The following SDK2 variants were observed in gnomAD, a reference collection of about 807,000 sequenced individuals.
SDK2 encodes the protein sidekick cell adhesion molecule 2, also known as protein sidekick-2.
SDK2 carries 105 observed loss-of-function variants against 253.9 expected under a neutral mutation model. That is an observed-to-expected ratio of 0.41 (90% confidence interval 0.35 to 0.49). The LOEUF is 0.49. Among genes scored for constraint, SDK2 ranks in the 20% least tolerant of loss-of-function variants. SDK2 has a pLI of 0.06. For synonymous variants in SDK2, 1,249 were observed against 1,234.9 expected, an observed-to-expected ratio of 1.01 and a Z score of -0.24; for missense variants, 2,608 against 3,003.0, an observed-to-expected ratio of 0.87 and a Z score of 3.07.
chr17:73,556,126 T>C (rs947445119), intron 1 of SDK2, among the ~76,000 whole-genome samples: 1 of 152,132 alleles, frequency 6.6e-6, no homozygotes, highest in Non-Finnish European at 1.5e-5. Context: ...AAACGACACA[T>C]GCAGGGACCA....
chr17:73,519,848 A>G lies in SDK2; in HGVS notation c.65-12251T>C, dbSNP rs117263197. 1,388 of 152,282 alleles carry G rather than the reference A, an allele frequency of 9.1e-3. 10 individuals are homozygous for G. Among genetic ancestry groups the G allele is most frequent in the Non-Finnish European group, 0.014 (963 of 68,038 alleles). The allele number at this position is 152,282 out of a possible 1,614,324, so 9.4% of individuals were successfully genotyped here. ...TCTCTGCACGGAGGCTGAGAGATGG[A>G]GCCACCGCTGAGGAAGAACACACAT... is the stretch of plus-strand genomic sequence containing the variant. On this transcript the variant is annotated intron_variant, in intron 1 of 44. Coordinates refer to ENST00000392650, the MANE Select transcript of SDK2 (RefSeq NM_001144952.2).
At chr17:73,552,547 G>A (rs926440481) in intron 1 of SDK2, among the ~76,000 whole-genome samples, 3 of 152,136 alleles carry the variant, frequency 2.0e-5, no homozygotes, top group African/African-American at 4.8e-5. Context: ...GAGTGTACTC[G>A]GCCGGAGTAC....
In SDK2 at chr17:73,481,517, GGAGACAGAGAAACA is replaced by G. The variant is rs2063723824; in HGVS notation, c.225-9313_225-9300del. Among the ~76,000 whole-genome samples, 2 of 152,058 alleles carry G rather than the reference GGAGACAGAGAAACA, an allele frequency of 1.3e-5. No homozygotes were observed. Among genetic ancestry groups the G allele is most frequent in the Admixed American group, 1.3e-4 (2 of 15,268 alleles). ...GATGGAGTAAAGAAGAGAGAGACAG[GGAGACAGAGAAACA>G]GAGACAGAGAAAGAGAGAGACAGAA... On this transcript the variant is annotated intron_variant, in intron 2 of 44. Coordinates refer to ENST00000392650, the MANE Select transcript of SDK2 (RefSeq NM_001144952.2). The surrounding 1 kb of genome is among the most constrained non-coding windows in gnomAD (Gnocchi z 4.5).
chr17:73,534,066 T>C lies in SDK2; in HGVS notation c.65-26469A>G, dbSNP rs556634595. Among the ~76,000 whole-genome samples, 1 of 151,854 alleles carries C rather than the reference T, an allele frequency of 6.6e-6. No individual in the cohort carries two copies. On this transcript the variant is annotated intron_variant, in intron 1 of 44. Transcript: ENST00000392650. This position sits in a 1 kb window ranked among gnomAD's most constrained non-coding sequence, Gnocchi z 4.9. ...TCCCTGCTCCTCCTCCTCCTCCTCC[T>C]TCCCCGCCTCCTCCCCTCCTCTTCC...
intron 36 of SDK2, among the ~76,000 whole-genome samples, chr17:73,370,213 C>G (rs1468183996): frequency 6.6e-6 from 1 of 152,134 alleles, no homozygotes; most frequent in Admixed American, 6.5e-5. Flanking sequence ...ACCATGAAAT[C>G]CTTGCTTTTC....
intron 1 of SDK2, among the ~76,000 whole-genome samples, chr17:73,617,061 G>A (rs59438231): frequency 1.3e-4 from 20 of 152,244 alleles, no homozygotes; most frequent in Admixed American, 8.5e-4. Context: ...GCATGCTTGT[G>A]GGCAGGGGTG....
At chr17:73,510,786 G>A (rs1000706094) in intron 1 of SDK2, among the ~76,000 whole-genome samples, 12 of 152,204 alleles carry the variant, frequency 7.9e-5, no homozygotes, top group African/African-American at 2.9e-4. Flanking sequence ...GAGCCACCAT[G>A]CCCGGCTTGC....
At chr17:73,411,322 T>C (rs2063123994) in intron 18 of SDK2, among the ~76,000 whole-genome samples, 1 of 152,180 alleles carries the variant, frequency 6.6e-6, no homozygotes, top group Non-Finnish European at 1.5e-5. Context: ...TCCCCCACTT[T>C]GGAGGAAGAA....
chr17:73,549,676 G>C (rs1489411154), intron 1 of SDK2, among the ~76,000 whole-genome samples: 1 of 151,988 alleles, frequency 6.6e-6, no homozygotes. Flanking sequence ...TTTAGGCGAG[G>C]TGAACACACA....
chr17:73,338,764 G>A lies in SDK2; in HGVS notation c.6342C>T (p.Thr2114=), dbSNP rs774854358. 9 of 1,613,746 alleles carry A rather than the reference G, an allele frequency of 5.6e-6. No individual in the cohort carries two copies. The highest frequency in any genetic ancestry group is 2.2e-5 in the East Asian group (1 of 44,878). The part of the protein sequence containing the change: ...ESDSGEPDHT[T]VTNSTSTQQG... ...GCTGGGTGCTGGTGCTGTTGGTGAC[G>A]GTGGTGTGGTCTGGCTCACCCGAGT... The change falls in exon 45 of 45, where the codon ACC becomes ACT. Residue 2114 remains threonine, a synonymous_variant. Transcript: ENST00000392650. This position sits in a 1 kb window ranked among gnomAD's most constrained non-coding sequence, Gnocchi z 5.0.
At chr17:73,518,757 A>T (rs2064051612) in intron 1 of SDK2, 1 of 152,176 alleles carries the variant, frequency 6.6e-6, no homozygotes, top group Non-Finnish European at 1.5e-5. Flanking sequence ...TAAAATGTTC[A>T]CTAAGTCCTG....
intron 1 of SDK2, among the ~76,000 whole-genome samples, chr17:73,569,576 C>T (rs1429323122): frequency 6.8e-6 from 1 of 146,726 alleles, no homozygotes; most frequent in African/African-American, 2.5e-5. Context: ...GTGGGGATTG[C>T]TTTCAAAAGC....
At chr17:73,524,928 G>A (rs548218057) in intron 1 of SDK2, among the ~76,000 whole-genome samples, 137 of 152,358 alleles carry the variant, frequency 9.0e-4, no homozygotes, top group South Asian at 4.1e-4. Context: ...TCGCCTCTGC[G>A]CACATCATTC....
At chr17:73,542,332 T>C (rs1341498307) in intron 1 of SDK2, among the ~76,000 whole-genome samples, 3 of 152,182 alleles carry the variant, frequency 2.0e-5, no homozygotes, top group Non-Finnish European at 4.4e-5. Context: ...GCTCCTGTGA[T>C]GGAGGGGGTG....
At chr17:73,543,690 T>C (rs909663654) in intron 1 of SDK2, among the ~76,000 whole-genome samples, 1 of 152,232 alleles carries the variant, frequency 6.6e-6, no homozygotes, top group African/African-American at 2.4e-5. Context: ...CCTTGGGGGA[T>C]AGGGGCAGGC....
intron 2 of SDK2, among the ~76,000 whole-genome samples, chr17:73,486,374 C>T (rs531122553): frequency 2.6e-5 from 4 of 152,082 alleles, no homozygotes; most frequent in Admixed American, 6.5e-5. Context: ...TTTGGGAAGC[C>T]GAGGCAGGGG....
chr17:73,461,535 T>C (rs1253961305), intron 3 of SDK2, among the ~76,000 whole-genome samples: 4 of 152,052 alleles, frequency 2.6e-5, no homozygotes, highest in African/African-American at 9.7e-5. Flanking sequence ...GGGAAGTACG[T>C]GAAGGCTCAG....
chr17:73,341,017 T>C (rs1319057888), intron 44 of SDK2, among the ~76,000 whole-genome samples: 1 of 150,058 alleles, frequency 6.7e-6, no homozygotes, highest in African/African-American at 2.4e-5. Context: ...GTGCTGGGAT[T>C]ACAGGCGTGA....
intron 2 of SDK2, among the ~76,000 whole-genome samples, chr17:73,473,995 C>T (rs1398304361): frequency 6.6e-6 from 1 of 152,118 alleles, no homozygotes; most frequent in Admixed American, 6.5e-5. Context: ...AGCATAAAGG[C>T]ATTTTAAAAA....
Sources: gnomAD v4.1 joint callset for allele counts (sites outside exome capture counted in the v4.1 genomes callset) on GRCh38, gnomAD v4.1.1 for gene constraint, Gnocchi (gnomAD v3.1) non-coding constraint, MANE v1.5 for transcripts, NCBI Gene and HGNC (gene_info 2026-07-23, HGNC 2026-07-21) for gene names.